Variants in NFATC1 observed in about 807,000 individuals in gnomAD.
NFATC1 encodes nuclear factor of activated T cells 1.
In NFATC1, 22 loss-of-function variants were observed where a neutral mutation model predicts 76.0. The observed-to-expected ratio is 0.29, with a 90% confidence interval of 0.21 to 0.41. The LOEUF is 0.41. NFATC1 is among the 10% of genes least tolerant of loss of function. NFATC1 has a pLI of 1.00. For synonymous variants in NFATC1, 704 were observed against 613.1 expected, an observed-to-expected ratio of 1.15 and a Z score of -2.19; for missense variants, 1,357 against 1,337.7, an observed-to-expected ratio of 1.01 and a Z score of -0.23.
chr18:79,407,064 T>A (rs2085468280), intron 1 of NFATC1, among the ~76,000 whole-genome samples: 1 of 151,970 alleles, frequency 6.6e-6, no homozygotes. Flanking sequence ...AGGGCTACAG[T>A]TTGCCTGGCC....
chr18:79,467,509 C>A lies in NFATC1; in HGVS notation c.2019C>A (p.His673Gln). 2 of 1,613,826 alleles carry A rather than the reference C, an allele frequency of 1.2e-6. No individual in the cohort carries two copies. ...FRNQRITSPVHVSFYVCNGKR... is the reference protein window; with the variant it reads ...FRNQRITSPVQVSFYVCNGKR... ...ATCAGAGGATAACCAGCCCCGTTCA[C>A]GTCAGTTTCTACGTCTGCAACGGGA... is the stretch of plus-strand genomic sequence containing the variant. The change falls in exon 8 of 10, where the codon CAC becomes CAA. Residue 673 changes from histidine to glutamine, a missense_variant. Around this residue, in one of 3 missense-constraint regions of NFATC1, gnomAD observed 424 missense variants for 395.4 expected, o/e 1.07. Coordinates refer to ENST00000427363, the MANE Select transcript of NFATC1 (RefSeq NM_001278669.2).
At chr18:79,521,153 G>T in intron 9 of NFATC1, among the ~76,000 whole-genome samples, 1 of 97,480 alleles carries the variant, frequency 1.0e-5, no homozygotes, top group African/African-American at 3.9e-5. Flanking sequence ...TGTGTGTGTA[G>T]GGGGGGAGCA....
chr18:79,411,171 C>G lies in NFATC1; in HGVS notation c.896C>G (p.Ser299Trp), dbSNP rs201850664. ...GSPRVSVTDD[S>W]WLGNTTQYTS... is the part of the protein sequence containing the mutation. ...CCGCGGGTCAGCGTGACCGACGACT[C>G]GTGGTTGGGCAACACCACCCAGTAC... Residue 299 changes from serine to tryptophan, a missense_variant, in exon 2 of 10, where the codon TCG becomes TGG. Transcript: ENST00000427363. 3.7e-6 allele frequency: 6 copies of G among 1,612,092 alleles called. No individual in the cohort carries two copies. Among genetic ancestry groups the G allele is most frequent in the Non-Finnish European group, 5.1e-6 (6 of 1,179,864 alleles).
intron 8 of NFATC1, among the ~76,000 whole-genome samples, chr18:79,473,845 C>A (rs1255766004): frequency 6.9e-6 from 1 of 145,250 alleles, no homozygotes; most frequent in Non-Finnish European, 1.5e-5. Context: ...TGTGTTCTCA[C>A]ACTCACTGTC....
intron 9 of NFATC1, among the ~76,000 whole-genome samples, chr18:79,508,613 CTAT>C (rs2090171696): frequency 6.6e-6 from 1 of 152,076 alleles, no homozygotes; most frequent in Admixed American, 6.5e-5. Flanking sequence ...CTCTGTATCT[CTAT>C]CCCTCTCTCT....
intron 1 of NFATC1, among the ~76,000 whole-genome samples, chr18:79,409,510 T>C (rs1600613203): frequency 6.6e-6 from 1 of 151,514 alleles, no homozygotes; most frequent in South Asian, 2.1e-4. Flanking sequence ...TCCATCCGTT[T>C]AGCTGTCCAT....
chr18:79,427,128 G>T (rs1180349641), intron 2 of NFATC1, among the ~76,000 whole-genome samples: 1 of 152,064 alleles, frequency 6.6e-6, no homozygotes. Context: ...TGGCAGGGGG[G>T]CCCGGGGCTG....
intron 9 of NFATC1, among the ~76,000 whole-genome samples, chr18:79,520,931 GA>G (rs1258496906): frequency 3.4e-5 from 4 of 117,910 alleles, no homozygotes; most frequent in Non-Finnish European, 5.2e-5. Context: ...GTGTGTGTGG[GA>G]GGGAGCATCC....
At chr18:79,429,477 C>T (rs564679790) in intron 2 of NFATC1, among the ~76,000 whole-genome samples, 1 of 152,104 alleles carries the variant, frequency 6.6e-6, no homozygotes, top group African/African-American at 2.4e-5. Context: ...GAGCTTAGGG[C>T]TTCAGCAAGC....
intron 7 of NFATC1, among the ~76,000 whole-genome samples, chr18:79,462,355 A>G (rs1483255273): frequency 2.0e-5 from 3 of 151,942 alleles, no homozygotes; most frequent in African/African-American, 7.3e-5. Context: ...TGTTTTTTTG[A>G]AACAGAGTTT....
At chr18:79,487,002 GC>G in intron 9 of NFATC1, 65 bp downstream of exon 9, 1 of 1,499,540 alleles carries the variant, frequency 6.7e-7, no homozygotes, top group Middle Eastern at 1.8e-4. Context: ...TCATGGAGGG[GC>G]CGTGTGCGTG....
intron 9 of NFATC1, among the ~76,000 whole-genome samples, chr18:79,516,830 A>C (rs1168273831): frequency 1.3e-5 from 2 of 152,132 alleles, no homozygotes; most frequent in African/African-American, 4.8e-5. Context: ...CTATTTTCTG[A>C]TCTCTAATTT....
At chr18:79,498,647 A>G (rs2089951130) in intron 9 of NFATC1, among the ~76,000 whole-genome samples, 1 of 152,228 alleles carries the variant, frequency 6.6e-6, no homozygotes, top group African/African-American at 2.4e-5. Flanking sequence ...ATTTGATGGA[A>G]AACATTATTC....
chr18:79,487,918 T>TA (rs2089559082), intron 9 of NFATC1, among the ~76,000 whole-genome samples: 1 of 152,186 alleles, frequency 6.6e-6, no homozygotes, highest in Non-Finnish European at 1.5e-5. Flanking sequence ...TGGCTTCATT[T>TA]CCTCGGAGGC....
chr18:79,402,625 G>T (rs1030081963), intron 1 of NFATC1, among the ~76,000 whole-genome samples: 1 of 152,158 alleles, frequency 6.6e-6, no homozygotes, highest in Non-Finnish European at 1.5e-5. Flanking sequence ...TTGGGGCTCC[G>T]AGCAGGAGAG....
intron 9 of NFATC1, among the ~76,000 whole-genome samples, chr18:79,521,004 G>T (rs1315847047): frequency 9.4e-5 from 10 of 106,192 alleles, no homozygotes; most frequent in Non-Finnish European, 1.6e-4. Context: ...TGTGTGTGGG[G>T]GGGGGCATCC....
At chr18:79,487,609 G>A (rs58721135) in intron 9 of NFATC1, among the ~76,000 whole-genome samples, 2,027 of 152,338 alleles carry the variant, frequency 0.013, 49 homozygotes, top group African/African-American at 0.043. Context: ...GTAGCCAGGC[G>A]GGTGGTGTGG....
chr18:79,440,620 C>T (rs903422766), intron 3 of NFATC1, among the ~76,000 whole-genome samples: 2 of 152,212 alleles, frequency 1.3e-5, no homozygotes, highest in Non-Finnish European at 2.9e-5. Flanking sequence ...CCCGTTTCTC[C>T]GAGGACCTGG....
At position 79,410,593 on chromosome 18, in the gene NFATC1, C is replaced by T. The variant is rs1486759607; in HGVS notation, c.318C>T (p.His106=). The change falls in exon 2 of 10, where the codon CAC becomes CAT. Residue 106 remains histidine (H), a synonymous_variant. Coordinates refer to ENST00000427363, the MANE Select transcript of NFATC1 (RefSeq NM_001278669.2). The surrounding 1 kb of genome is among the most constrained non-coding windows in gnomAD (Gnocchi z 6.7). ...CGGGCTACTTCCTCTCCTCCGGCCA[C>T]ACCAGGCCTGATGGGGCCCCTGCCC... ...GPAGYFLSSG[H]TRPDGAPALE... is the part of the protein sequence containing the mutation. 2.5e-6 allele frequency: 4 copies of T among 1,612,556 alleles called. No individual in the cohort carries two copies. Among genetic ancestry groups the T allele is most frequent in the Non-Finnish European group, 3.4e-6 (4 of 1,180,016 alleles).
Sources: allele counts gnomAD v4.1 joint callset (sites outside exome capture counted in the v4.1 genomes callset), GRCh38; gene constraint gnomAD v4.1.1; regional missense constraint gnomAD v4.1.1; non-coding constraint Gnocchi (gnomAD v3.1); transcripts MANE v1.5; gene names NCBI Gene and HGNC (gene_info 2026-07-23, HGNC 2026-07-21).